XDH: variants seen among roughly 807,000 people sequenced by gnomAD.
XDH encodes xanthine dehydrogenase/oxidase.
XDH carries 138 observed loss-of-function variants against 156.1 expected under a neutral mutation model. The ratio of observed to expected loss-of-function variants is 0.88; its 90% CI spans 0.77 to 1.02. The LOEUF (loss-of-function observed/expected upper bound fraction) is 1.02. Among genes scored for constraint, XDH ranks in the 50% least tolerant of loss-of-function variants. The probability of loss-of-function intolerance (pLI) is 0.00; values close to 1 mark genes in which losing one functional copy is unlikely to be tolerated. For missense variants in XDH, 1,849 were observed against 1,684.9 expected (o/e 1.10, Z -1.71); for synonymous variants, 669 against 625.7 (o/e 1.07, Z -1.03).
chr2:31,349,617 G>GT lies in XDH; in HGVS notation c.2969+68_2969+69insA, dbSNP rs772523490. 7.7e-3 allele frequency: 11,206 copies of GT among 1,464,122 alleles called. 57 individuals are homozygous for GT. The highest frequency in any genetic ancestry group is 0.016 in the Middle Eastern group (91 of 5,778). 90.7% of individuals were successfully genotyped at this position (1,464,122 alleles called of 1,614,324 possible). ...CCATTGAATTATTAGCTTCCTATAT[G>GT]GGGTCAGCAGAAAGGCTGTAGGATA... is the stretch of plus-strand genomic sequence containing the variant. On this transcript the variant is annotated intron_variant, in intron 26 of 35. Transcript: ENST00000379416.
intron 31 of XDH, 36 bp downstream of exon 31, chr2:31,344,648 A>T (rs201524749): frequency 2.5e-6 from 4 of 1,613,532 alleles, no homozygotes; most frequent in Non-Finnish European, 3.4e-6. Context: ...GGACGACATC[A>T]CACTATGAGC....
intron 6 of XDH, among the ~76,000 whole-genome samples, chr2:31,395,356 G>T (rs1686874490): frequency 6.6e-6 from 1 of 152,198 alleles, no homozygotes; most frequent in South Asian, 2.1e-4. Context: ...AAAGGTCCTG[G>T]GGTTGCGTAT....
chr2:31,349,684 A>C lies in XDH; in HGVS notation c.2969+2T>G. 6.2e-7 allele frequency: 1 copy of C among 1,614,168 alleles called. No individual in the cohort carries two copies. Among genetic ancestry groups the C allele is most frequent in the East Asian group, 2.2e-5 (1 of 44,882 alleles). On this transcript the variant is annotated splice_donor_variant, in intron 26 of 35. Transcript: ENST00000379416. LOFTEE classifies it high-confidence loss of function. ...AACTGGACTTCTACTCCTAGTGCTT[A>C]CTTGTTGAACTTGTCAACCTCACTC...
At chr2:31,377,536 G>A (rs1320361972) in intron 13 of XDH, among the ~76,000 whole-genome samples, 1 of 152,104 alleles carries the variant, frequency 6.6e-6, no homozygotes, top group Non-Finnish European at 1.5e-5. Flanking sequence ...CAGCTGCAGG[G>A]GAAGAAGGGT....
chr2:31,370,522 G>A (rs369579114), intron 17 of XDH, 44 bp from the exon 18 acceptor site: 7 of 1,612,092 alleles, frequency 4.3e-6, no homozygotes, highest in Non-Finnish European at 5.9e-6. Context: ...GCAAGCTGGA[G>A]CAGGGGACCC....
intron 13 of XDH, among the ~76,000 whole-genome samples, chr2:31,377,977 T>A (rs1212176872): frequency 6.7e-6 from 1 of 148,442 alleles, no homozygotes; most frequent in Non-Finnish European, 1.5e-5. Context: ...GCCGTGATCA[T>A]GCCACCACAC....
intron 24 of XDH, among the ~76,000 whole-genome samples, chr2:31,358,708 C>T (rs868796999): frequency 2.0e-5 from 3 of 151,918 alleles, no homozygotes. Flanking sequence ...AATTCAACAC[C>T]CATTCATTAT....
At chr2:31,346,190 A>G (rs1163272340) in intron 30 of XDH, among the ~76,000 whole-genome samples, 1 of 152,002 alleles carries the variant, frequency 6.6e-6, no homozygotes, top group Non-Finnish European at 1.5e-5. Context: ...CCTGCAAGAG[A>G]CTCCCTTGCC....
At chr2:31,339,735 C>A (rs1477938720) in intron 33 of XDH, 58 bp from the exon 34 acceptor site, 3 of 1,595,730 alleles carry the variant, frequency 1.9e-6, no homozygotes, top group African/African-American at 2.7e-5. Context: ...AGGACAGATA[C>A]CACTTGCCAC....
chr2:31,395,744 C>T (rs1686885226), intron 6 of XDH, among the ~76,000 whole-genome samples: 1 of 152,194 alleles, frequency 6.6e-6, no homozygotes, highest in Admixed American at 6.5e-5. Context: ...TCTGTCTCTC[C>T]AATTTTTTGG....
intron 24 of XDH, among the ~76,000 whole-genome samples, chr2:31,362,286 G>A (rs1210932386): frequency 1.3e-5 from 2 of 152,038 alleles, no homozygotes; most frequent in African/African-American, 4.8e-5. Flanking sequence ...AAGATGTCTG[G>A]ATCCAAAAAG....
chr2:31,360,953 C>T (rs1685761953), intron 24 of XDH, among the ~76,000 whole-genome samples: 1 of 152,214 alleles, frequency 6.6e-6, no homozygotes, highest in South Asian at 2.1e-4. Flanking sequence ...TGTTACATTT[C>T]AGCTTCCATA....
At chr2:31,383,879 C>T (rs1686510485) in intron 9 of XDH, 32 bp from the exon 10 acceptor site, 7 of 1,601,614 alleles carry the variant, frequency 4.4e-6, no homozygotes, top group Non-Finnish European at 6.0e-6. Context: ...AAGTTGTAGG[C>T]CCATTGTTGT....
intron 30 of XDH, 128 bp downstream of exon 30, chr2:31,346,641 C>A: frequency 2.6e-5 from 30 of 1,139,204 alleles, no homozygotes; most frequent in Non-Finnish European, 4.0e-5. Context: ...TCACACAAAC[C>A]ACCTCAACTT....
At chr2:31,367,425 T>C (rs1335631778) in intron 20 of XDH, among the ~76,000 whole-genome samples, 2 of 150,084 alleles carry the variant, frequency 1.3e-5, no homozygotes, top group Non-Finnish European at 3.0e-5. Context: ...TGTTGGAGAG[T>C]TGGCTTCATA....
intron 13 of XDH, among the ~76,000 whole-genome samples, chr2:31,377,452 C>G (rs78326475): frequency 6.6e-6 from 1 of 151,848 alleles, no homozygotes; most frequent in Admixed American, 6.5e-5. Context: ...AAAAAAAAAA[C>G]AGGATTTCTC....
chr2:31,413,554 T>G lies in XDH; in HGVS notation c.42+1071A>C, dbSNP rs79659868. Among the ~76,000 whole-genome samples the G allele has an allele frequency of 5.9e-5, 9 of 152,296 alleles. No individual in the cohort carries two copies. In the East Asian group the frequency reaches 1.7e-3, roughly 29 times the overall value. ...CTTTTACAGTCACCCAAACACATCC[T>G]GGAAATTTAAGACCTAGGAGTCCAG... On this transcript the variant is annotated intron_variant, in intron 1 of 35. Transcript: ENST00000379416.
At chr2:31,344,305 C>T (rs1685221513) in intron 31 of XDH, among the ~76,000 whole-genome samples, 1 of 152,186 alleles carries the variant, frequency 6.6e-6, no homozygotes, top group Admixed American at 6.5e-5. Context: ...TAACTCATAA[C>T]ACTACACAGC....
At chr2:31,398,498 C>A in intron 5 of XDH, 75 bp downstream of exon 5, 1 of 1,608,376 alleles carries the variant, frequency 6.2e-7, no homozygotes. Context: ...ATGCTTCTCA[C>A]CCTGGCACTT....
Sources: gnomAD v4.1 joint callset for allele counts (sites outside exome capture counted in the v4.1 genomes callset) on GRCh38, gnomAD v4.1.1 for gene constraint, MANE v1.5 for transcripts, NCBI Gene and HGNC (gene_info 2026-07-23, HGNC 2026-07-21) for gene names.